The following RBM19 variants were observed in gnomAD, a reference collection of about 807,000 sequenced individuals.
RBM19 encodes the protein probable RNA-binding protein 19.
In RBM19, 94 loss-of-function variants were observed where a neutral mutation model predicts 116.8. That is an observed-to-expected ratio of 0.80 (90% CI 0.68 to 0.95). The LOEUF is 0.95. RBM19 is among the 40% of genes least tolerant of loss of function. The probability of loss-of-function intolerance (pLI) is 0.00; values close to 1 mark genes in which losing one functional copy is unlikely to be tolerated. For synonymous variants in RBM19, 475 were observed against 494.1 expected (o/e 0.96, Z 0.51); for missense variants, 1,161 against 1,220.7 (o/e 0.95, Z 0.73).
chr12:113,921,135 T>A (rs1304408876), intron 18 of RBM19, among the ~76,000 whole-genome samples: 3 of 152,178 alleles, frequency 2.0e-5, no homozygotes, highest in African/African-American at 7.2e-5. Flanking sequence ...GCCAATCACA[T>A]TCAGTTTCCT....
chr12:113,909,043 G>A (rs1055028038), intron 21 of RBM19, among the ~76,000 whole-genome samples: 1 of 152,206 alleles, frequency 6.6e-6, no homozygotes, highest in Non-Finnish European at 1.5e-5. Context: ...CTGCAGGACC[G>A]CAGGACAGGC....
intron 20 of RBM19, among the ~76,000 whole-genome samples, 187 bp downstream of exon 20, chr12:113,918,205 G>A (rs1052914352): frequency 2.0e-5 from 3 of 152,084 alleles, no homozygotes; most frequent in African/African-American, 7.2e-5. Flanking sequence ...GTAGTTCACT[G>A]GGAAAATCAG....
At chr12:113,938,021 G>A (rs1303407448) in intron 15 of RBM19, among the ~76,000 whole-genome samples, 1 of 152,184 alleles carries the variant, frequency 6.6e-6, no homozygotes, top group African/African-American at 2.4e-5. Context: ...ACTTAGCTGT[G>A]TGATCGTGGG....
At chr12:113,888,435 C>G (rs1440458716) in intron 21 of RBM19, among the ~76,000 whole-genome samples, 1 of 152,206 alleles carries the variant, frequency 6.6e-6, no homozygotes, top group African/African-American at 2.4e-5. Context: ...ACTGTCTCAT[C>G]TGTCAATGTG....
At chr12:113,929,930 G>T (rs867560795) in intron 16 of RBM19, among the ~76,000 whole-genome samples, 1 of 152,214 alleles carries the variant, frequency 6.6e-6, no homozygotes, top group Non-Finnish European at 1.5e-5. Context: ...AGCATAGTGG[G>T]GATGATGGTG....
chr12:113,905,450 T>C (rs1881976754), intron 21 of RBM19, among the ~76,000 whole-genome samples: 1 of 152,120 alleles, frequency 6.6e-6, no homozygotes, highest in Non-Finnish European at 1.5e-5. Flanking sequence ...CAAAAATCAA[T>C]GCCAGATGGA....
At chr12:113,920,575 GC>G (rs781658658) in intron 19 of RBM19, 35 bp downstream of exon 19, 161 of 1,576,044 alleles carry the variant, frequency 1.0e-4, no homozygotes, top group Non-Finnish European at 1.3e-4. Flanking sequence ...CCTGCCAAGT[GC>G]CTCCGTGGCC....
chr12:113,959,811 C>A, intron 4 of RBM19, 54 bp downstream of exon 4: 1 of 1,598,766 alleles, frequency 6.3e-7, no homozygotes, highest in Non-Finnish European at 8.6e-7. Flanking sequence ...AGTCTCCACC[C>A]TCTTCCACCT....
At chr12:113,829,060 C>T (rs560985822) in intron 23 of RBM19, among the ~76,000 whole-genome samples, 1 of 151,494 alleles carries the variant, frequency 6.6e-6, no homozygotes, top group African/African-American at 2.4e-5. Flanking sequence ...TGCAGTGGAG[C>T]GATCTCGGCT....
intron 7 of RBM19, 141 bp from the exon 8 acceptor site, chr12:113,952,731 C>G: frequency 1.6e-6 from 1 of 609,686 alleles, no homozygotes; most frequent in Non-Finnish European, 2.8e-6. Context: ...ATACGTATCG[C>G]TTCTCCAATT....
chr12:113,932,068 G>A (rs531210203), intron 16 of RBM19, among the ~76,000 whole-genome samples: 5 of 152,328 alleles, frequency 3.3e-5, no homozygotes, highest in South Asian at 2.1e-4. Flanking sequence ...AGAACACAGC[G>A]ATCATGAAAT....
In RBM19 at chr12:113,966,244, T is replaced by C. The variant is rs1169695023; in HGVS notation, c.-17A>G. ...TCGCGACATGGCGCAGGGTCCCCGC[T>C]GTTTTGATTCCAACACGACTGGTCA... On this transcript the variant is annotated 5_prime_UTR_variant, in exon 1 of 24. Transcript: ENST00000261741. 2 of 1,614,180 alleles carry C rather than the reference T, an allele frequency of 1.2e-6. No homozygotes were observed. The highest frequency in any genetic ancestry group is 1.1e-5 in the South Asian group (1 of 91,088).
At chr12:113,844,544 G>C in intron 23 of RBM19, 124 bp downstream of exon 23, 2 of 1,301,102 alleles carry the variant, frequency 1.5e-6, no homozygotes, top group Non-Finnish European at 2.0e-6. Context: ...CCCAGCAGGA[G>C]GTGCTTGGCA....
At chr12:113,861,638 G>A (rs1217797360) in intron 21 of RBM19, among the ~76,000 whole-genome samples, 1 of 152,148 alleles carries the variant, frequency 6.6e-6, no homozygotes, top group Non-Finnish European at 1.5e-5. Flanking sequence ...GCAAGCTGTG[G>A]ATGCTCTGTG....
intron 22 of RBM19, among the ~76,000 whole-genome samples, chr12:113,853,749 G>A (rs1180292690): frequency 3.3e-5 from 5 of 152,250 alleles, no homozygotes; most frequent in Non-Finnish European, 5.9e-5. Context: ...TCCTCAGTGA[G>A]GCTACTCCTG....
chr12:113,950,501 A>T (rs1046552533), intron 8 of RBM19, among the ~76,000 whole-genome samples: 5 of 152,150 alleles, frequency 3.3e-5, no homozygotes, highest in Non-Finnish European at 5.9e-5. Flanking sequence ...TGGCTACAGC[A>T]TGAGGACCCA....
chr12:113,884,768 A>G (rs370873196), intron 21 of RBM19, among the ~76,000 whole-genome samples: 24 of 151,680 alleles, frequency 1.6e-4, no homozygotes, highest in East Asian at 1.5e-3. Flanking sequence ...TTAAGGGTCG[A>G]AAAAAAAAGA....
chr12:113,941,054 ATATGGCC>A (rs920958804), intron 14 of RBM19, among the ~76,000 whole-genome samples: 4 of 152,262 alleles, frequency 2.6e-5, no homozygotes, highest in Non-Finnish European at 4.4e-5. Flanking sequence ...AAATCTAGGC[ATATGGCC>A]TATCTGGGAA....
At position 113,823,288 on chromosome 12, in the gene RBM19, T is replaced by C. The variant is rs1874577803; in HGVS notation, c.2819A>G (p.Asp940Gly). The C allele has an allele frequency of 3.1e-6, 5 of 1,613,102 alleles. No homozygotes were observed. The East Asian group carries it at 1.1e-4, about 36-fold the overall frequency. Residue 940 changes from aspartate to glycine, a missense_variant, in exon 24 of 24, where the codon GAC becomes GGC. Physicochemically the swap from Asp to Gly is moderately conservative, Grantham distance 94. Coordinates refer to ENST00000261741, the MANE Select transcript of RBM19 (RefSeq NM_016196.4). The stretch of plus-strand genomic sequence containing the variant: ...GCCTTCCAGCTGCTCCAGGATCTCG[T>C]CCAACACCACAGACCGCTTTTTCTT... ...PPKKKRSVVL[D>G]EILEQLEGSD...
Sources: allele counts gnomAD v4.1 joint callset (sites outside exome capture counted in the v4.1 genomes callset), GRCh38; gene constraint gnomAD v4.1.1; transcripts MANE v1.5; gene names NCBI Gene and HGNC (gene_info 2026-07-23, HGNC 2026-07-21).